PARD3: variants seen among roughly 807,000 people sequenced by gnomAD.
The protein encoded by PARD3 is partitioning defective 3 homolog.
Under a neutral mutation model 155.4 loss-of-function variants are expected in PARD3, and 75 were observed. The observed-to-expected ratio is 0.48, with a 90% CI of 0.40 to 0.58. The LOEUF (loss-of-function observed/expected upper bound fraction) is 0.58. PARD3 is among the 20% of genes least tolerant of loss of function. The pLI is 0.00. For synonymous variants in PARD3, 576 were observed against 610.5 expected (o/e 0.94, Z 0.83); for missense variants, 1,642 against 1,721.7 (o/e 0.95, Z 0.82).
chr10:34,742,275 G>A (rs903822633), intron 1 of PARD3, among the ~76,000 whole-genome samples: 4 of 152,124 alleles, frequency 2.6e-5, no homozygotes, highest in African/African-American at 9.7e-5. Context: ...ACTTGCCTCT[G>A]ACACCAATGT....
chr10:34,670,138 G>A lies in PARD3; in HGVS notation c.222+26180C>T, dbSNP rs1368083730. 2.0e-5 allele frequency among the ~76,000 whole-genome samples: 3 copies of A among 152,246 alleles called. No homozygotes were observed. The East Asian group carries it at 5.8e-4, about 29-fold the overall frequency. ...TATCCGTGCTCTTATCACGTATAAAGACCATCTCTCTGGCCTGGGAATCTG... is the reference window on the plus strand; with the variant it reads ...TATCCGTGCTCTTATCACGTATAAAAACCATCTCTCTGGCCTGGGAATCTG... On this transcript the variant is annotated intron_variant, in intron 2 of 24. Coordinates refer to ENST00000374788, the MANE Select transcript of PARD3 (RefSeq NM_001184785.2).
chr10:34,253,328 C>T (rs965607801), intron 22 of PARD3, among the ~76,000 whole-genome samples: 2 of 152,234 alleles, frequency 1.3e-5, no homozygotes, highest in Non-Finnish European at 2.9e-5. Context: ...GCAAAGCCTA[C>T]AGGCCCTAGC....
intron 22 of PARD3, among the ~76,000 whole-genome samples, chr10:34,197,636 A>G (rs1951010365): frequency 6.6e-6 from 1 of 152,202 alleles, no homozygotes; most frequent in Admixed American, 6.5e-5. Flanking sequence ...AGGTTACCTT[A>G]AAGTATTTTT....
In PARD3 at chr10:34,269,688, GCTT is replaced by G. The variant is rs1317011977; in HGVS notation, c.3385_3387del (p.Lys1129del). 6.2e-7 allele frequency: 1 copy of G among 1,613,890 alleles called. No individual in the cohort carries two copies. The highest frequency in any genetic ancestry group is 8.5e-7 in the Non-Finnish European group (1 of 1,179,960). ...ACAGGTGAGGGTTTGGAATTCCGCG[GCTT>G]CTTGACTTGGGCATACAAAGCATCC... On this transcript the variant is annotated inframe_deletion, in exon 22 of 25. Transcript: ENST00000374788.
chr10:34,163,740 C>CA (rs1949391693), intron 22 of PARD3, among the ~76,000 whole-genome samples: 1 of 152,194 alleles, frequency 6.6e-6, no homozygotes, highest in Non-Finnish European at 1.5e-5. Flanking sequence ...ACCCTTCTGT[C>CA]AGAGAGATGT....
chr10:34,660,259 A>G (rs1349355365), intron 2 of PARD3, among the ~76,000 whole-genome samples: 1 of 152,214 alleles, frequency 6.6e-6, no homozygotes, highest in Non-Finnish European at 1.5e-5. Context: ...AGATAATTTT[A>G]TAATTTGAAA....
At chr10:34,185,871 C>T (rs970019266) in intron 22 of PARD3, among the ~76,000 whole-genome samples, 1 of 145,346 alleles carries the variant, frequency 6.9e-6, no homozygotes, top group Non-Finnish European at 1.5e-5. Context: ...ATAGGAATAT[C>T]CATATTACAC....
At chr10:34,126,343 G>C (rs939579400) in intron 23 of PARD3, among the ~76,000 whole-genome samples, 1 of 152,184 alleles carries the variant, frequency 6.6e-6, no homozygotes, top group Admixed American at 6.5e-5. Flanking sequence ...AGGGCTACTT[G>C]GATGAATTTT....
chr10:34,808,521 T>C (rs4934666), intron 1 of PARD3, among the ~76,000 whole-genome samples: 113,933 of 152,078 alleles, frequency 0.75, 43,246 homozygotes, highest in African/African-American at 0.84. Context: ...GCCAGGAATG[T>C]TGAGCGAGTG....
chr10:34,291,577 G>A (rs560613284), intron 20 of PARD3, among the ~76,000 whole-genome samples: 1 of 152,316 alleles, frequency 6.6e-6, no homozygotes, highest in Non-Finnish European at 1.5e-5. Context: ...GGAAACCTCA[G>A]TAAGCACAGG....
At chr10:34,356,073 G>C (rs1459110214) in intron 14 of PARD3, among the ~76,000 whole-genome samples, 1 of 151,972 alleles carries the variant, frequency 6.6e-6, no homozygotes, top group African/African-American at 2.4e-5. Context: ...CAGAAAACTA[G>C]AGAGAGTACA....
chr10:34,456,242 A>AT (rs1236908741), intron 4 of PARD3, among the ~76,000 whole-genome samples: 1 of 152,192 alleles, frequency 6.6e-6, no homozygotes, highest in Non-Finnish European at 1.5e-5. Context: ...CAAAAGACGT[A>AT]TTGCAGCACC....
At chr10:34,763,871 C>G (rs1450649174) in intron 1 of PARD3, among the ~76,000 whole-genome samples, 1 of 152,168 alleles carries the variant, frequency 6.6e-6, no homozygotes, top group African/African-American at 2.4e-5. Flanking sequence ...TTAGGCAGCA[C>G]TTTCTTTTCA....
chr10:34,170,628 C>T (rs903298268), intron 22 of PARD3, among the ~76,000 whole-genome samples: 1 of 152,118 alleles, frequency 6.6e-6, no homozygotes, highest in Non-Finnish European at 1.5e-5. Flanking sequence ...GGACCACAGA[C>T]AGACACTGGG....
chr10:34,140,773 T>C (rs1948147066), intron 22 of PARD3, among the ~76,000 whole-genome samples: 1 of 152,182 alleles, frequency 6.6e-6, no homozygotes, highest in Non-Finnish European at 1.5e-5. Flanking sequence ...AAATCCCCCA[T>C]ATGTTCACCA....
intron 12 of PARD3, among the ~76,000 whole-genome samples, chr10:34,361,022 A>C (rs1199425356): frequency 6.6e-6 from 1 of 152,252 alleles, no homozygotes; most frequent in East Asian, 1.9e-4. Context: ...ATGAAAGCTT[A>C]ATGTAGAACT....
intron 22 of PARD3, among the ~76,000 whole-genome samples, chr10:34,246,854 C>A (rs765759381): frequency 6.6e-6 from 1 of 151,996 alleles, no homozygotes; most frequent in African/African-American, 2.4e-5. Context: ...GGTCTAAAAG[C>A]GATTAAAAGG....
At chr10:34,676,942 C>T (rs1042892672) in intron 2 of PARD3, among the ~76,000 whole-genome samples, 1 of 152,180 alleles carries the variant, frequency 6.6e-6, no homozygotes, top group Admixed American at 6.5e-5. Context: ...GCATAGTCTA[C>T]ACAGAAAGTT....
At chr10:34,587,224 A>G (rs1453909015) in intron 2 of PARD3, among the ~76,000 whole-genome samples, 1 of 152,058 alleles carries the variant, frequency 6.6e-6, no homozygotes, top group East Asian at 1.9e-4. Flanking sequence ...CCCGAGTTCA[A>G]GCAATCTCCT....
Sources: gnomAD v4.1 joint callset for allele counts (sites outside exome capture counted in the v4.1 genomes callset) on GRCh38, gnomAD v4.1.1 for gene constraint, MANE v1.5 for transcripts, NCBI Gene and HGNC (gene_info 2026-07-23, HGNC 2026-07-21) for gene names.